Variants in POU6F2 observed in about 807,000 individuals in gnomAD.
POU6F2 encodes POU class 6 homeobox 2, also known as POU domain, class 6, transcription factor 2.
In POU6F2, 31 loss-of-function variants were observed where a neutral mutation model predicts 71.3. The observed-to-expected ratio is 0.43, with a 90% CI of 0.33 to 0.59. POU6F2 has a LOEUF of 0.59. Among genes scored for constraint, POU6F2 ranks in the 20% least tolerant of loss-of-function variants. POU6F2 has a pLI of 0.04. For missense variants in POU6F2, 783 were observed against 856.8 expected (o/e 0.91, Z 1.07); for synonymous variants, 347 against 355.7 (o/e 0.98, Z 0.27).
rs918101371 is a variant in POU6F2, at chr7:39,276,495, G to A, written c.599-63147G>A. 4.0e-5 allele frequency among the ~76,000 whole-genome samples: 6 copies of A among 151,234 alleles called. No individual in the cohort carries two copies. The East Asian group carries it at 5.8e-4, about 15-fold the overall frequency. On this transcript the variant is annotated intron_variant, in intron 4 of 9. Transcript: ENST00000518318. ...CAACCATTGTGGAAGTCAGTGTGGC[G>A]ATTCCTCAGGGATCTAGAACTAGAA...
chr7:39,138,449 A>G (rs1034455989), intron 2 of POU6F2, among the ~76,000 whole-genome samples: 4 of 152,186 alleles, frequency 2.6e-5, no homozygotes, highest in Non-Finnish European at 4.4e-5. Context: ...CATCACTCAC[A>G]TTACCACCTG....
chr7:39,269,015 A>G (rs73695238), intron 4 of POU6F2, among the ~76,000 whole-genome samples: 12,759 of 152,316 alleles, frequency 0.084, 669 homozygotes, highest in South Asian at 0.2. Context: ...ATAGCCATGC[A>G]TGAGCATTTA....
intron 4 of POU6F2, among the ~76,000 whole-genome samples, chr7:39,305,220 A>G (rs1785027903): frequency 6.6e-6 from 1 of 152,248 alleles, no homozygotes; most frequent in African/African-American, 2.4e-5. Context: ...AGAAGGTATC[A>G]TTTCCTCATT....
chr7:39,349,348 G>C (rs740509), intron 5 of POU6F2, among the ~76,000 whole-genome samples: 84,977 of 151,784 alleles, frequency 0.56, 24,018 homozygotes, highest in East Asian at 0.74. Flanking sequence ...ATTGTCTCTA[G>C]TGCTCACACA....
intron 4 of POU6F2, among the ~76,000 whole-genome samples, chr7:39,279,020 T>C (rs1784512541): frequency 6.6e-6 from 1 of 152,158 alleles, no homozygotes; most frequent in Non-Finnish European, 1.5e-5. Flanking sequence ...TCGTTTCTAA[T>C]TGGAATTAGG....
intron 7 of POU6F2, among the ~76,000 whole-genome samples, chr7:39,435,094 A>G (rs938674340): frequency 5.3e-5 from 8 of 152,212 alleles, no homozygotes; most frequent in African/African-American, 1.9e-4. Context: ...CAATAAATAT[A>G]CATGTGCATA....
At chr7:39,366,615 G>A (rs745576640) in intron 5 of POU6F2, among the ~76,000 whole-genome samples, 2 of 152,152 alleles carry the variant, frequency 1.3e-5, no homozygotes, top group African/African-American at 2.4e-5. Flanking sequence ...GACACTAGGA[G>A]CGGGTAGGGA....
intron 5 of POU6F2, among the ~76,000 whole-genome samples, chr7:39,381,721 G>T (rs1786834291): frequency 6.6e-6 from 1 of 152,104 alleles, no homozygotes. Flanking sequence ...AAGGATATTT[G>T]CATGATTGCA....
intron 1 of POU6F2, among the ~76,000 whole-genome samples, chr7:39,059,800 G>C (rs1790616348): frequency 6.6e-6 from 1 of 152,178 alleles, no homozygotes; most frequent in Non-Finnish European, 1.5e-5. Flanking sequence ...TTGATGAACA[G>C]ATAAAGAAAA....
chr7:39,462,724 CT>C (rs1286049769), intron 9 of POU6F2, among the ~76,000 whole-genome samples: 2 of 152,296 alleles, frequency 1.3e-5, no homozygotes, highest in African/African-American at 4.8e-5. Context: ...GATCAGTTCA[CT>C]CTGTATTGAA....
intron 1 of POU6F2, among the ~76,000 whole-genome samples, chr7:39,055,842 T>A (rs1045142650): frequency 7.9e-5 from 12 of 152,104 alleles, no homozygotes; most frequent in Non-Finnish European, 2.9e-5. Context: ...GAGCATTCTG[T>A]TTCAATTTTT....
Position 39,128,297 on chromosome 7 carries a change from A to G in POU6F2, c.277+42266A>G, listed in dbSNP as rs371255114. 1.6e-4 allele frequency among the ~76,000 whole-genome samples: 25 copies of G among 152,290 alleles called. No homozygotes were observed. The East Asian group carries it at 4.0e-3, about 25-fold the overall frequency. The stretch of plus-strand genomic sequence containing the variant: ...CATCATTTCTATAAGATTAAATTCA[A>G]TATTCAATTCAGTCACATTTCTGAA... On this transcript the variant is annotated intron_variant, in intron 2 of 9. Coordinates refer to ENST00000518318, the MANE Select transcript of POU6F2 (RefSeq NM_001370959.1).
intron 1 of POU6F2, among the ~76,000 whole-genome samples, chr7:39,003,460 G>A (rs1288199028): frequency 2.0e-5 from 3 of 151,854 alleles, no homozygotes; most frequent in Non-Finnish European, 4.4e-5. Flanking sequence ...AAGTGATTGG[G>A]CTGGTCACGG....
At chr7:38,993,220 C>T in intron 1 of POU6F2, among the ~76,000 whole-genome samples, 1 of 152,004 alleles carries the variant, frequency 6.6e-6, no homozygotes, top group East Asian at 1.9e-4. Flanking sequence ...CTTATTTATA[C>T]ATATACATAT....
intron 1 of POU6F2, among the ~76,000 whole-genome samples, chr7:39,050,879 T>G (rs562129217): frequency 6.6e-6 from 1 of 152,312 alleles, no homozygotes; most frequent in South Asian, 2.1e-4. Context: ...CTTATCAGTT[T>G]GCTGTAAGTG....
chr7:39,398,286 T>C (rs1461179875), intron 5 of POU6F2, among the ~76,000 whole-genome samples: 2 of 151,520 alleles, frequency 1.3e-5, no homozygotes, highest in Admixed American at 6.6e-5. Context: ...AAGTGAATAA[T>C]ATAATATCAG....
intron 2 of POU6F2, among the ~76,000 whole-genome samples, chr7:39,185,843 ATGTATATGTATG>A (rs70977465): frequency 0.19 from 21,942 of 117,686 alleles, 1,830 homozygotes; most frequent in East Asian, 0.5. Context: ...GTATATGTAT[ATGTATATGTATG>A]TGTATATATG....
At chr7:39,320,656 G>A (rs1399665728) in intron 4 of POU6F2, among the ~76,000 whole-genome samples, 1 of 152,164 alleles carries the variant, frequency 6.6e-6, no homozygotes, top group Non-Finnish European at 1.5e-5. Context: ...GTGGTTACCT[G>A]AAGCTGCAGA....
At chr7:39,457,813 C>T (rs904917505) in intron 8 of POU6F2, among the ~76,000 whole-genome samples, 2 of 152,114 alleles carry the variant, frequency 1.3e-5, no homozygotes, top group African/African-American at 4.8e-5. Flanking sequence ...AGTTTCAAAC[C>T]TCCATGCTCA....
Sources: allele counts gnomAD v4.1 joint callset (sites outside exome capture counted in the v4.1 genomes callset), GRCh38; gene constraint gnomAD v4.1.1; transcripts MANE v1.5; gene names NCBI Gene and HGNC (gene_info 2026-07-23, HGNC 2026-07-21).